The following JADE3 variants were observed in gnomAD, a reference collection of about 807,000 sequenced individuals.
JADE3 encodes the protein jade family PHD finger 3.
JADE3 carries 2 observed loss-of-function variants against 50.1 expected under a neutral mutation model. The ratio of observed to expected loss-of-function variants is 0.04; its 90% confidence interval spans 0.02 to 0.13. JADE3 has a LOEUF of 0.13. JADE3 is among the 10% of genes least tolerant of loss of function. The probability of loss-of-function intolerance (pLI) is 1.00; values close to 1 mark genes in which losing one functional copy is unlikely to be tolerated. For synonymous variants in JADE3, 218 were observed against 232.9 expected, an observed-to-expected ratio of 0.94 and a Z score of 0.58; for missense variants, 475 against 634.4, an observed-to-expected ratio of 0.75 and a Z score of 2.70.
intron 4 of JADE3, among the ~76,000 whole-genome samples, chrX:47,012,283 G>A (rs782724540): frequency 9.0e-6 from 1 of 111,100 alleles, no homozygotes; most frequent in Admixed American, 9.7e-5. Context: ...TTTGAGGAAC[G>A]ACAGTTTTTA....
intron 4 of JADE3, 125 bp downstream of exon 4, chrX:46,998,402 A>G (rs782729242): frequency 3.0e-5 from 17 of 575,585 alleles, no homozygotes; most frequent in African/African-American, 1.4e-4. Flanking sequence ...ATTTTCACCA[A>G]TTCACTCAGA....
intron 4 of JADE3, among the ~76,000 whole-genome samples, chrX:47,001,065 A>G (rs1928273796): frequency 8.9e-6 from 1 of 111,775 alleles, no homozygotes; most frequent in African/African-American, 3.3e-5. Flanking sequence ...TAATGGAACA[A>G]CAAGGCAGAC....
chrX:46,917,824 T>TCTCTCTCATC (rs1926124895), intron 1 of JADE3, among the ~76,000 whole-genome samples: 1 of 56,955 alleles, frequency 1.8e-5, no homozygotes, highest in African/African-American at 6.1e-5. Context: ...TCTCTCTCAC[T>TCTCTCTCATC]CTCTCTCATC....
chrX:46,916,087 T>C (rs1926078956), intron 1 of JADE3, among the ~76,000 whole-genome samples: 1 of 111,889 alleles, frequency 8.9e-6, no homozygotes. Flanking sequence ...TTGAGACACA[T>C]GACAAGAATA....
chrX:46,934,524 T>C (rs1160023355), intron 1 of JADE3, among the ~76,000 whole-genome samples: 2 of 111,427 alleles, frequency 1.8e-5, no homozygotes, highest in Non-Finnish European at 3.8e-5. Flanking sequence ...GGTCTCGATC[T>C]CCTGACCTCG....
chrX:47,042,896 G>A (rs1163835733), intron 8 of JADE3, among the ~76,000 whole-genome samples: 2 of 111,779 alleles, frequency 1.8e-5, no homozygotes, highest in Non-Finnish European at 3.8e-5. Flanking sequence ...GGCCTTGGGC[G>A]AGACCCAATG....
At chrX:46,994,917 C>A (rs1928090950) in intron 3 of JADE3, among the ~76,000 whole-genome samples, 2 of 111,638 alleles carry the variant, frequency 1.8e-5, no homozygotes, top group Admixed American at 9.5e-5. Flanking sequence ...TGTTATTATC[C>A]CCATTTTATA....
intron 10 of JADE3, among the ~76,000 whole-genome samples, chrX:47,057,637 T>A (rs1469343998): frequency 9.0e-6 from 1 of 111,582 alleles, no homozygotes; most frequent in Non-Finnish European, 1.9e-5. Flanking sequence ...TCACCTCTAA[T>A]GCCAAGTTCA....
intron 8 of JADE3, among the ~76,000 whole-genome samples, chrX:47,045,734 C>T (rs932778820): frequency 8.1e-5 from 9 of 110,705 alleles, no homozygotes; most frequent in Non-Finnish European, 1.3e-4. Flanking sequence ...AAATCAATAA[C>T]GAAGAATTTT....
chrX:46,998,131 G>A lies in JADE3; in HGVS notation c.138G>A (p.Lys46=). Residue 46 remains lysine, a synonymous_variant, in exon 4 of 11, where the codon AAG becomes AAA. Transcript: ENST00000614628. ...EHKKPAEVFR[K]DLISAMKLPD... The stretch of plus-strand genomic sequence containing the variant: ...CAATATCTTTCCAGGTATTCCGGAA[G>A]GACCTCATCAGTGCCATGAAACTTC... The A allele has an allele frequency of 8.3e-7, 1 of 1,205,569 alleles. No homozygotes were observed. The highest frequency in any genetic ancestry group is 1.1e-6 in the Non-Finnish European group (1 of 890,596).
intron 4 of JADE3, among the ~76,000 whole-genome samples, chrX:47,015,008 C>T (rs965173200): frequency 2.2e-4 from 25 of 112,105 alleles, no homozygotes; most frequent in African/African-American, 7.4e-4. Flanking sequence ...ATTATCTCCA[C>T]CTTCCAAATT....
chrX:47,018,428 G>T (rs1928722285), intron 4 of JADE3, among the ~76,000 whole-genome samples: 1 of 109,809 alleles, frequency 9.1e-6, no homozygotes, highest in Non-Finnish European at 1.9e-5. Flanking sequence ...CCGCCTCCCG[G>T]GTTCATGCCA....
chrX:46,914,875 C>T (rs1556335948), intron 1 of JADE3, among the ~76,000 whole-genome samples: 1 of 112,123 alleles, frequency 8.9e-6, no homozygotes, highest in East Asian at 2.8e-4. Flanking sequence ...CACCTTCAGG[C>T]CCGTAGGGGA....
chrX:47,042,068 A>G (rs782731382), intron 8 of JADE3, among the ~76,000 whole-genome samples: 38 of 109,857 alleles, frequency 3.5e-4, no homozygotes, highest in Non-Finnish European at 2.3e-4. Context: ...ATCATAGCTC[A>G]CTATAACCTT....
chrX:47,057,687 G>A (rs1286266386), intron 10 of JADE3, among the ~76,000 whole-genome samples: 2 of 111,702 alleles, frequency 1.8e-5, no homozygotes, highest in Non-Finnish European at 3.8e-5. Context: ...CCCTTGCAAC[G>A]TTTCTGAAGG....
At chrX:47,022,756 C>T (rs1336771831) in intron 4 of JADE3, among the ~76,000 whole-genome samples, 1 of 111,359 alleles carries the variant, frequency 9.0e-6, no homozygotes, top group Admixed American at 9.6e-5. Context: ...GTTAAATTTT[C>T]TGAGGCCTCA....
chrX:46,915,770 A>G (rs1166000175), intron 1 of JADE3, among the ~76,000 whole-genome samples: 1 of 109,861 alleles, frequency 9.1e-6, no homozygotes, highest in Non-Finnish European at 1.9e-5. Flanking sequence ...AAAAAAAAAA[A>G]GGGTCCTGGG....
At chrX:46,987,136 C>T (rs1462839021) in intron 3 of JADE3, among the ~76,000 whole-genome samples, 1 of 112,147 alleles carries the variant, frequency 8.9e-6, no homozygotes, top group African/African-American at 3.2e-5. Context: ...CAGAATTTGT[C>T]TCCTTGGAGC....
At chrX:46,938,634 T>C (rs1024087728) in intron 1 of JADE3, among the ~76,000 whole-genome samples, 10 of 112,562 alleles carry the variant, frequency 8.9e-5, no homozygotes, top group African/African-American at 2.9e-4. Flanking sequence ...GCTCTTTTCA[T>C]TCCTAATATT....
Sources: gnomAD v4.1 joint callset for allele counts (sites outside exome capture counted in the v4.1 genomes callset) on GRCh38, gnomAD v4.1.1 for gene constraint, MANE v1.5 for transcripts, NCBI Gene and HGNC (gene_info 2026-07-23, HGNC 2026-07-21) for gene names.